The following SKAP1 variants were observed in gnomAD, a reference collection of about 807,000 sequenced individuals.
The protein encoded by SKAP1 is src kinase-associated phosphoprotein 1.
A neutral mutation model predicts 58.5 loss-of-function variants in SKAP1; 44 were observed. The observed-to-expected ratio is 0.75, with a 90% CI of 0.59 to 0.97. SKAP1 has a LOEUF of 0.97. SKAP1 is among the 50% of genes least tolerant of loss of function. The pLI, the probability that SKAP1 is intolerant of heterozygous loss-of-function variation, is 0.00. For missense variants in SKAP1, 390 were observed against 435.2 expected (o/e 0.90, Z 0.92); for synonymous variants, 127 against 149.7 (o/e 0.85, Z 1.11).
At chr17:48,334,503 T>A (rs368420218) in intron 4 of SKAP1, among the ~76,000 whole-genome samples, 88 of 152,036 alleles carry the variant, frequency 5.8e-4, no homozygotes, top group African/African-American at 1.9e-3. Context: ...GGCCATCTTC[T>A]GCTTCTCTAC....
chr17:48,211,774 C>T (rs1370804917), intron 4 of SKAP1, among the ~76,000 whole-genome samples: 4 of 152,140 alleles, frequency 2.6e-5, no homozygotes, highest in Admixed American at 6.5e-5. Context: ...GTTTCAAACC[C>T]TTCGCCCTTT....
At chr17:48,322,939 T>C (rs186667193) in intron 4 of SKAP1, among the ~76,000 whole-genome samples, 1 of 151,828 alleles carries the variant, frequency 6.6e-6, no homozygotes, top group East Asian at 1.9e-4. Context: ...CTACTAAAAA[T>C]ACAAAAATTA....
intron 1 of SKAP1, among the ~76,000 whole-genome samples, chr17:48,414,274 GA>G (rs2067705386): frequency 1.3e-5 from 2 of 152,260 alleles, no homozygotes; most frequent in East Asian, 3.9e-4. Flanking sequence ...TCTTTCACCT[GA>G]AACCCCCAAA....
chr17:48,350,079 G>C (rs1330809147), intron 3 of SKAP1, among the ~76,000 whole-genome samples: 2 of 152,036 alleles, frequency 1.3e-5, no homozygotes, highest in Non-Finnish European at 2.9e-5. Flanking sequence ...TGTTCCCCTT[G>C]TAACTATTTT....
intron 4 of SKAP1, chr17:48,193,812 C>T: frequency 1.3e-6 from 1 of 748,578 alleles, no homozygotes; most frequent in Non-Finnish European, 1.6e-6. Context: ...CTACTTAATG[C>T]ATAATAGAAA....
chr17:48,350,193 AAGAC>A (rs1351222670), intron 3 of SKAP1, among the ~76,000 whole-genome samples: 2 of 152,020 alleles, frequency 1.3e-5, no homozygotes, highest in Middle Eastern at 3.4e-3. Flanking sequence ...GAAATTTAAA[AAGAC>A]AGAAAATGGT....
chr17:48,162,607 C>CT, intron 10 of SKAP1, 38 bp from the exon 11 acceptor site: 1 of 1,531,192 alleles, frequency 6.5e-7, no homozygotes, highest in Non-Finnish European at 9.0e-7. Context: ...TAAAAGGACT[C>CT]TATTTTTTCC....
chr17:48,237,540 T>C (rs971924059), intron 4 of SKAP1, among the ~76,000 whole-genome samples: 1 of 152,196 alleles, frequency 6.6e-6, no homozygotes, highest in Non-Finnish European at 1.5e-5. Flanking sequence ...TGAGAGGTCA[T>C]TTAAGTATTT....
chr17:48,396,837 G>A (rs1477385200), intron 1 of SKAP1, 52 bp from the exon 2 acceptor site: 1 of 1,354,196 alleles, frequency 7.4e-7, no homozygotes, highest in Non-Finnish European at 1.1e-6. Flanking sequence ...AAGGGAGAAA[G>A]GAAAATCAGA....
chr17:48,251,234 C>G (rs925026440), intron 4 of SKAP1, among the ~76,000 whole-genome samples: 1 of 152,130 alleles, frequency 6.6e-6, no homozygotes, highest in Non-Finnish European at 1.5e-5. Context: ...TTATTTCTTC[C>G]GTTAAAGTCT....
chr17:48,147,268 T>C (rs2063843447), intron 11 of SKAP1, among the ~76,000 whole-genome samples: 2 of 152,172 alleles, frequency 1.3e-5, no homozygotes, highest in Non-Finnish European at 2.9e-5. Flanking sequence ...CACAGAAATA[T>C]TGGTTTATGA....
chr17:48,261,521 A>C (rs1346615181), intron 4 of SKAP1, among the ~76,000 whole-genome samples: 1 of 152,150 alleles, frequency 6.6e-6, no homozygotes, highest in Non-Finnish European at 1.5e-5. Context: ...GTACTCACAG[A>C]CTGTGTGATG....
At chr17:48,221,560 G>A (rs1031614281) in intron 4 of SKAP1, among the ~76,000 whole-genome samples, 3 of 152,180 alleles carry the variant, frequency 2.0e-5, no homozygotes, top group African/African-American at 7.2e-5. Context: ...AGGCTAAATG[G>A]TGTTTTGGTT....
the SKAP1 span, among the ~76,000 whole-genome samples, chr17:48,444,090 C>G: frequency 6.6e-6 from 1 of 152,040 alleles, no homozygotes. Flanking sequence ...AGGATATTCC[C>G]TTAAAAATAA....
chr17:48,358,983 GAAC>G (rs749833878), intron 3 of SKAP1, among the ~76,000 whole-genome samples: 58 of 151,976 alleles, frequency 3.8e-4, no homozygotes, highest in Admixed American at 1.8e-3. Flanking sequence ...ACATTAACTT[GAAC>G]AACAATTTAA....
intron 4 of SKAP1, among the ~76,000 whole-genome samples, chr17:48,223,326 AT>A (rs1303664032): frequency 6.6e-6 from 1 of 152,114 alleles, no homozygotes; most frequent in Non-Finnish European, 1.5e-5. Flanking sequence ...GGCCCTTCCA[AT>A]TTTAGGTTTC....
At chr17:48,249,801 TA>T (rs1475840246) in intron 4 of SKAP1, among the ~76,000 whole-genome samples, 1 of 152,158 alleles carries the variant, frequency 6.6e-6, no homozygotes, top group African/African-American at 2.4e-5. Context: ...GACTCACTGA[TA>T]GCTTTTAATG....
chr17:48,423,531 C>A (rs2067819790), intron 1 of SKAP1, among the ~76,000 whole-genome samples: 1 of 152,126 alleles, frequency 6.6e-6, no homozygotes, highest in South Asian at 2.1e-4. Flanking sequence ...AGTACAGTAG[C>A]CACTGTGGCT....
At chr17:48,222,241 G>C (rs957584318) in intron 4 of SKAP1, among the ~76,000 whole-genome samples, 1 of 152,096 alleles carries the variant, frequency 6.6e-6, no homozygotes, top group Admixed American at 6.6e-5. Context: ...TGACAAAAAG[G>C]GTTCCTCACG....
Sources: gnomAD v4.1 joint callset for allele counts (sites outside exome capture counted in the v4.1 genomes callset) on GRCh38, gnomAD v4.1.1 for gene constraint, MANE v1.5 for transcripts, NCBI Gene and HGNC (gene_info 2026-07-23, HGNC 2026-07-21) for gene names.